CADM2: variants seen among roughly 807,000 people sequenced by gnomAD.
The protein encoded by CADM2 is cell adhesion molecule 2, also known as immunoglobulin superfamily member 4D.
Under a neutral mutation model 49.8 loss-of-function variants are expected in CADM2, and 12 were observed. That is an observed-to-expected ratio of 0.24 (90% CI 0.15 to 0.39). The LOEUF (loss-of-function observed/expected upper bound fraction) is 0.39, where lower values mean the gene tolerates loss of function less well. CADM2 is among the 10% of genes least tolerant of loss of function. The pLI is 1.00. For missense variants in CADM2, 378 were observed against 492.3 expected (o/e 0.77, Z 2.20); for synonymous variants, 214 against 175.4 (o/e 1.22, Z -1.74).
At chr3:85,673,816 G>A (rs1490831789) in intron 1 of CADM2, among the ~76,000 whole-genome samples, 2 of 152,092 alleles carry the variant, frequency 1.3e-5, no homozygotes, top group African/African-American at 4.8e-5. Flanking sequence ...TAGGGTTTGG[G>A]AGCATGAGAA....
At chr3:85,359,595 C>T (rs1292521919) in intron 1 of CADM2, among the ~76,000 whole-genome samples, 2 of 129,514 alleles carry the variant, frequency 1.5e-5, no homozygotes, top group African/African-American at 5.7e-5. Context: ...ATCAAGACTA[C>T]TGATACTTTC....
chr3:85,142,610 G>T (rs1212258824), intron 1 of CADM2, among the ~76,000 whole-genome samples: 1 of 152,168 alleles, frequency 6.6e-6, no homozygotes, highest in East Asian at 1.9e-4. Flanking sequence ...GCATTATGAA[G>T]AAGAAAATGA....
At chr3:85,646,778 C>T (rs1241972834) in intron 1 of CADM2, among the ~76,000 whole-genome samples, 5 of 151,710 alleles carry the variant, frequency 3.3e-5, no homozygotes, top group Admixed American at 1.3e-4. Context: ...GATTTAAAGC[C>T]GGGAAATAAA....
intron 1 of CADM2, among the ~76,000 whole-genome samples, chr3:85,154,585 A>C (rs1010574673): frequency 6.6e-6 from 1 of 151,824 alleles, no homozygotes; most frequent in Non-Finnish European, 1.5e-5. Context: ...GGAAATACAG[A>C]GAACCCCACA....
chr3:85,314,806 A>G (rs1350047928), intron 1 of CADM2, among the ~76,000 whole-genome samples: 4 of 152,218 alleles, frequency 2.6e-5, no homozygotes, highest in Non-Finnish European at 5.9e-5. Flanking sequence ...CATGGGATCC[A>G]AGAAAAACAA....
intron 1 of CADM2, among the ~76,000 whole-genome samples, chr3:85,455,537 G>C (rs1413076137): frequency 6.6e-6 from 1 of 152,170 alleles, no homozygotes; most frequent in Non-Finnish European, 1.5e-5. Context: ...GGATGGACTT[G>C]ATAGCATGGG....
At chr3:86,016,391 G>C (rs1211911200) in intron 8 of CADM2, among the ~76,000 whole-genome samples, 1 of 152,058 alleles carries the variant, frequency 6.6e-6, no homozygotes, top group Non-Finnish European at 1.5e-5. Flanking sequence ...CTAGATAAGA[G>C]AATAAGAGAA....
At chr3:84,982,737 A>ATATATAT (rs1553663805) in intron 1 of CADM2, among the ~76,000 whole-genome samples, 2 of 115,380 alleles carry the variant, frequency 1.7e-5, no homozygotes, top group African/African-American at 3.5e-5. Flanking sequence ...ATATATATAC[A>ATATATAT]TTTTTTGTTT....
chr3:85,052,976 A>G (rs889949545), intron 1 of CADM2, among the ~76,000 whole-genome samples: 1 of 152,002 alleles, frequency 6.6e-6, no homozygotes, highest in Non-Finnish European at 1.5e-5. Context: ...TTGGCTCTCA[A>G]TGCAAAACTT....
intron 1 of CADM2, among the ~76,000 whole-genome samples, chr3:85,101,233 G>A (rs748103818): frequency 3.9e-5 from 6 of 152,100 alleles, no homozygotes; most frequent in Admixed American, 1.3e-4. Context: ...CAGCCTGGGT[G>A]ACAGAGCAAG....
intron 1 of CADM2, among the ~76,000 whole-genome samples, chr3:85,518,217 T>G (rs556070467): frequency 6.6e-6 from 1 of 152,106 alleles, no homozygotes; most frequent in African/African-American, 2.4e-5. Context: ...TCTCAAACTC[T>G]TGGCTTCTAG....
rs769207659 is a variant in CADM2, at chr3:86,038,155, CA to C, written c.971-27441del. On this transcript the variant is annotated intron_variant, in intron 8 of 9. Transcript: ENST00000383699. ...CAGCTTGCTTTCCCTCTTGTTGATACAAAAAAAAAGTTAGTTTTAGAAAAAA... is the reference window on the plus strand; with the variant it reads ...CAGCTTGCTTTCCCTCTTGTTGATACAAAAAAAAGTTAGTTTTAGAAAAAA... Among the ~76,000 whole-genome samples, 11 of 149,854 alleles carry C rather than the reference CA, an allele frequency of 7.3e-5. 1 individual carries two copies. Among genetic ancestry groups the C allele is most frequent in the Admixed American group, 2.0e-4 (3 of 15,070 alleles).
At chr3:85,776,767 AAATACTCAGTGCT>A (rs2070380449) in intron 2 of CADM2, among the ~76,000 whole-genome samples, 2 of 152,134 alleles carry the variant, frequency 1.3e-5, no homozygotes, top group South Asian at 4.1e-4. Context: ...TTACATAAGT[AAATACTCAGTGCT>A]AATTGTTTTT....
rs1553710489 is a variant in CADM2 at position 85,939,468 on chromosome 3, A to ACAC, written c.791+3611_791+3612insCAC. ...ATTCTCCATTTTAAAAGTAAACGAAAACACACACACACACACACACACACA... is the reference window on the plus strand; with the variant it reads ...ATTCTCCATTTTAAAAGTAAACGAAACACACACACACACACACACACACACACA... On this transcript the variant is annotated intron_variant, in intron 7 of 9. Coordinates refer to ENST00000383699, the MANE Select transcript of CADM2 (RefSeq NM_001167675.2). Among the ~76,000 whole-genome samples the ACAC allele has an allele frequency of 2.4e-3, 324 of 137,074 alleles. 3 individuals are homozygous for ACAC. Among genetic ancestry groups the ACAC allele is most frequent in the African/African-American group, 8.3e-3 (303 of 36,588 alleles). The allele number at this position is 137,074 out of a possible 152,430, so 89.9% of individuals were successfully genotyped here. A position where few individuals can be genotyped will look rare whatever the true frequency, so the allele number is the denominator to read the frequency against.
chr3:85,622,906 G>A (rs1365417038), intron 1 of CADM2, among the ~76,000 whole-genome samples: 1 of 152,012 alleles, frequency 6.6e-6, no homozygotes, highest in African/African-American at 2.4e-5. Flanking sequence ...AAATGGGATG[G>A]GCTTTAGGCT....
intron 1 of CADM2, among the ~76,000 whole-genome samples, chr3:85,621,925 C>T (rs1309255235): frequency 6.6e-6 from 1 of 152,128 alleles, no homozygotes; most frequent in Non-Finnish European, 1.5e-5. Context: ...TAAAATAATT[C>T]CCCGCTTGAA....
At chr3:85,287,019 C>A (rs993833684) in intron 1 of CADM2, among the ~76,000 whole-genome samples, 13 of 152,064 alleles carry the variant, frequency 8.5e-5, no homozygotes, top group African/African-American at 2.4e-4. Flanking sequence ...AGTTTGAATG[C>A]CCCTCTGAAA....
chr3:85,949,789 A>G (rs779143196), intron 7 of CADM2, among the ~76,000 whole-genome samples: 1 of 151,080 alleles, frequency 6.6e-6, no homozygotes, highest in African/African-American at 2.4e-5. Flanking sequence ...ACAGTGTTTA[A>G]TATCAATACT....
At chr3:86,045,203 A>G (rs554286992) in intron 8 of CADM2, among the ~76,000 whole-genome samples, 1 of 151,440 alleles carries the variant, frequency 6.6e-6, no homozygotes, top group East Asian at 2.0e-4. Flanking sequence ...AACTTAACGT[A>G]TAATAATAAA....
Sources: allele counts gnomAD v4.1 joint callset (sites outside exome capture counted in the v4.1 genomes callset), GRCh38; gene constraint gnomAD v4.1.1; transcripts MANE v1.5; gene names NCBI Gene and HGNC (gene_info 2026-07-23, HGNC 2026-07-21).